CD84: variants seen among roughly 807,000 people sequenced by gnomAD.
The protein encoded by CD84 is CD84 molecule.
CD84 carries 22 observed loss-of-function variants against 33.8 expected under a neutral mutation model. That is an observed-to-expected ratio of 0.65 (90% confidence interval 0.46 to 0.93). The LOEUF (loss-of-function observed/expected upper bound fraction) is 0.93, where lower values mean the gene tolerates loss of function less well. Among genes scored for constraint, CD84 ranks in the 40% least tolerant of loss-of-function variants. CD84 has a pLI of 0.00. For synonymous variants in CD84, 154 were observed against 145.2 expected, an observed-to-expected ratio of 1.06 and a Z score of -0.44; for missense variants, 400 against 397.6, an observed-to-expected ratio of 1.01 and a Z score of -0.05.
intron 1 of CD84, among the ~76,000 whole-genome samples, chr1:160,577,307 T>C (rs1359924213): frequency 6.6e-6 from 1 of 152,070 alleles, no homozygotes; most frequent in African/African-American, 2.4e-5. Context: ...AGCCCAATAC[T>C]GAATGTAAGG....
chr1:160,568,097 A>T (rs1294369320), intron 1 of CD84, among the ~76,000 whole-genome samples: 1 of 151,918 alleles, frequency 6.6e-6, no homozygotes, highest in Non-Finnish European at 1.5e-5. Context: ...TTGCCACACC[A>T]CTCTGTGGAT....
intron 4 of CD84, 144 bp downstream of exon 4, chr1:160,553,234 A>G (rs1391502853): frequency 7.7e-7 from 1 of 1,305,310 alleles, no homozygotes; most frequent in African/African-American, 1.5e-5. Context: ...CAGAGCCATC[A>G]TTCTGGGAGG....
intron 2 of CD84, among the ~76,000 whole-genome samples, chr1:160,555,590 A>C (rs986761821): frequency 2.6e-5 from 4 of 152,202 alleles, no homozygotes; most frequent in African/African-American, 9.6e-5. Flanking sequence ...GATAGCTAGG[A>C]CTGGAGCTGG....
At chr1:160,555,618 G>T (rs919683049) in intron 2 of CD84, among the ~76,000 whole-genome samples, 6 of 152,156 alleles carry the variant, frequency 3.9e-5, no homozygotes, top group African/African-American at 9.7e-5. Context: ...AAGCGTTAAG[G>T]TCTTTTCTTT....
At chr1:160,579,090 T>G (rs1466933) in intron 1 of CD84, among the ~76,000 whole-genome samples, 130,149 of 152,106 alleles carry the variant, frequency 0.86, 56,328 homozygotes, top group Non-Finnish European at 0.93. Flanking sequence ...GCCAGGCTTT[T>G]TGGGTGGGTT....
rs753916342 is a variant in CD84, at chr1:160,549,933, A to G, written c.905T>C (p.Val302Ala). The stretch of plus-strand genomic sequence containing the variant: ...AGGGGTTACCTTATCAGCAAACTGC[A>G]CTTCGGAATAAACTGTGTTCACTGG... ...EEPVNTVYSE[V>A]QFADKMGKAS... Residue 302 changes from valine to alanine, a missense_variant, in exon 6 of 7, where the codon GTG (valine) becomes GCG (alanine). Coordinates refer to ENST00000368054, the MANE Select transcript of CD84 (RefSeq NM_003874.4). The G allele has an allele frequency of 6.2e-7, 1 of 1,612,556 alleles. No homozygotes were observed. The highest frequency in any genetic ancestry group is 1.7e-5 in the Admixed American group (1 of 59,998).
At chr1:160,568,661 C>G (rs1657478140) in intron 1 of CD84, among the ~76,000 whole-genome samples, 1 of 152,134 alleles carries the variant, frequency 6.6e-6, no homozygotes, top group Non-Finnish European at 1.5e-5. Context: ...CTCACTGTCA[C>G]CCACGCTGGA....
At chr1:160,553,629 C>T (rs1276443684) in intron 3 of CD84, 132 bp from the exon 4 acceptor site, 2 of 1,133,706 alleles carry the variant, frequency 1.8e-6, no homozygotes, top group South Asian at 3.0e-5. Flanking sequence ...CCTAGGGAAA[C>T]TAAACTTTCT....
In CD84 at chr1:160,578,220, T is replaced by C. The variant is rs1270683030; in HGVS notation, c.46+1172A>G. 3.9e-5 allele frequency among the ~76,000 whole-genome samples: 6 copies of C among 152,204 alleles called. 1 individual carries two copies. The highest frequency in any genetic ancestry group is 3.9e-4 in the Admixed American group (6 of 15,268). Reference sequence around the variant, plus strand: ...CTCAATGGTTTTCATATGGATGACATAAGAATGTAGGCATAAACATTGTAG... The same window carrying C: ...CTCAATGGTTTTCATATGGATGACACAAGAATGTAGGCATAAACATTGTAG... On this transcript the variant is annotated intron_variant, in intron 1 of 6. Transcript: ENST00000368054.
intron 1 of CD84, among the ~76,000 whole-genome samples, chr1:160,568,511 G>A (rs1206062689): frequency 6.6e-6 from 1 of 152,176 alleles, no homozygotes; most frequent in African/African-American, 2.4e-5. Context: ...AGAAGCAGCT[G>A]CAAAACCATT....
At chr1:160,565,254 C>T in intron 2 of CD84, 150 bp downstream of exon 2, 1 of 558,288 alleles carries the variant, frequency 1.8e-6, no homozygotes, top group Non-Finnish European at 3.1e-6. Context: ...AAGACTACAT[C>T]CTCTTATAAG....
chr1:160,561,613 T>G (rs1199962252), intron 2 of CD84, among the ~76,000 whole-genome samples: 1 of 152,186 alleles, frequency 6.6e-6, no homozygotes, highest in East Asian at 1.9e-4. Flanking sequence ...AGGACAAGAA[T>G]GCCCTCTTTC....
intron 1 of CD84, among the ~76,000 whole-genome samples, chr1:160,576,447 A>C (rs1161916587): frequency 6.6e-6 from 1 of 152,080 alleles, no homozygotes; most frequent in Admixed American, 6.6e-5. Flanking sequence ...GCCCTGCCTA[A>C]ACTTCCGTTA....
chr1:160,559,079 C>A (rs1172568905), intron 2 of CD84, among the ~76,000 whole-genome samples: 1 of 152,166 alleles, frequency 6.6e-6, no homozygotes, highest in African/African-American at 2.4e-5. Context: ...TCCAGGAGAA[C>A]TTCCCCAGCC....
Position 160,546,865 on chromosome 1 carries a change from GCTCCTAACA to G in CD84, c.*1382_*1390del, listed in dbSNP as rs1655858515. On this transcript the variant is annotated 3_prime_UTR_variant, in exon 7 of 7. Transcript: ENST00000368054. ...ACATCTTCTACTTTGGGGCCTTGCAGCTCCTAACATAGTGCTAATGGTAGTTGGTGCTAG... is the reference window on the plus strand; with the variant it reads ...ACATCTTCTACTTTGGGGCCTTGCAGTAGTGCTAATGGTAGTTGGTGCTAG... The G allele has an allele frequency of 2.8e-6, 1 of 355,148 alleles. No homozygotes were observed. The highest frequency in any genetic ancestry group is 5.0e-6 in the Non-Finnish European group (1 of 198,670). 22.0% of individuals were successfully genotyped at this position (355,148 alleles called of 1,614,324 possible).
Position 160,566,990 on chromosome 1 carries a change from G to A in CD84, c.47-1245C>T, listed in dbSNP as rs1045944438. 2.6e-5 allele frequency among the ~76,000 whole-genome samples: 4 copies of A among 152,038 alleles called. No individual in the cohort carries two copies. The South Asian group carries it at 8.3e-4, about 32-fold the overall frequency. On this transcript the variant is annotated intron_variant, in intron 1 of 6. Transcript: ENST00000368054. Reference sequence around the variant, plus strand: ...CATTATCCTATAATTCTCAATGAGGGCTCTTTAGTGAGAAACACTGTTTGG... The same window carrying A: ...CATTATCCTATAATTCTCAATGAGGACTCTTTAGTGAGAAACACTGTTTGG...
At chr1:160,550,114 T>C in intron 5 of CD84, 135 bp from the exon 6 acceptor site, 1 of 704,970 alleles carries the variant, frequency 1.4e-6, no homozygotes, top group Non-Finnish European at 2.6e-6. Flanking sequence ...GCCTCAGTTC[T>C]GCCTCCATCC....
intron 2 of CD84, 85 bp from the exon 3 acceptor site, chr1:160,554,231 T>C (rs944998055): frequency 2.3e-6 from 3 of 1,298,514 alleles, no homozygotes; most frequent in Admixed American, 3.2e-5. Flanking sequence ...TTCTCAGAAA[T>C]TTGCAAGCCA....
Position 160,579,480 on chromosome 1 carries a change from T to C in CD84, c.-43A>G, listed in dbSNP as rs755175241. 4 of 1,601,928 alleles carry C rather than the reference T, an allele frequency of 2.5e-6. No homozygotes were observed. The highest frequency in any genetic ancestry group is 8.5e-7 in the Non-Finnish European group (1 of 1,174,828). Reference sequence around the variant, plus strand: ...CTTCTGTGGAAAAGCACGGCACTGTTCTAGCAGAGTCAGTTTCACTTGAGT... The same window carrying C: ...CTTCTGTGGAAAAGCACGGCACTGTCCTAGCAGAGTCAGTTTCACTTGAGT... On this transcript the variant is annotated 5_prime_UTR_variant, in exon 1 of 7. Transcript: ENST00000368054.
Sources: gnomAD v4.1 joint callset for allele counts (sites outside exome capture counted in the v4.1 genomes callset) on GRCh38, gnomAD v4.1.1 for gene constraint, MANE v1.5 for transcripts, NCBI Gene and HGNC (gene_info 2026-07-23, HGNC 2026-07-21) for gene names.